The following PLBD1 variants were observed in gnomAD, a reference collection of about 807,000 sequenced individuals.
The protein encoded by PLBD1 is lysosomal leucine aminopeptidase.
A neutral mutation model predicts 63.0 loss-of-function variants in PLBD1; 60 were observed. The observed-to-expected ratio is 0.95, with a 90% CI of 0.77 to 1.18. The LOEUF (loss-of-function observed/expected upper bound fraction) is 1.18. PLBD1 is among the 50% of genes most tolerant of loss of function. The pLI is 0.00. For synonymous variants in PLBD1, 262 were observed against 248.0 expected, an observed-to-expected ratio of 1.06 and a Z score of -0.53; for missense variants, 598 against 677.9, an observed-to-expected ratio of 0.88 and a Z score of 1.31.
chr12:14,549,089 G>A (rs1025447623), intron 2 of PLBD1, among the ~76,000 whole-genome samples: 1 of 152,208 alleles, frequency 6.6e-6, no homozygotes, highest in African/African-American at 2.4e-5. Flanking sequence ...AGAATCTTCA[G>A]TTTGGTCAAG....
At chr12:14,547,266 A>G (rs1238246414) in intron 2 of PLBD1, among the ~76,000 whole-genome samples, 1 of 151,420 alleles carries the variant, frequency 6.6e-6, no homozygotes, top group Non-Finnish European at 1.5e-5. Flanking sequence ...AAGGGGAGAG[A>G]AACCTCCACC....
intron 2 of PLBD1, among the ~76,000 whole-genome samples, chr12:14,548,004 A>C (rs1405850653): frequency 6.6e-6 from 1 of 152,144 alleles, no homozygotes; most frequent in East Asian, 1.9e-4. Flanking sequence ...AATGATACAT[A>C]CCTCATGGTA....
chr12:14,511,783 G>A, intron 6 of PLBD1, 72 bp from the exon 7 acceptor site: 1 of 1,403,656 alleles, frequency 7.1e-7, no homozygotes. Flanking sequence ...TTGACAAAGA[G>A]CTTTACATAC....
At chr12:14,527,265 T>C (rs1028041446) in intron 6 of PLBD1, among the ~76,000 whole-genome samples, 1 of 152,138 alleles carries the variant, frequency 6.6e-6, no homozygotes, top group African/African-American at 2.4e-5. Context: ...AAAATATGAA[T>C]ATGCTAACTT....
At chr12:14,504,710 T>TA (rs149933314) in intron 10 of PLBD1, among the ~76,000 whole-genome samples, 25 of 152,328 alleles carry the variant, frequency 1.6e-4, no homozygotes, top group African/African-American at 5.5e-4. Context: ...TGAAAGTAGA[T>TA]AGAGCTCACT....
chr12:14,540,926 C>T, intron 3 of PLBD1, 24 bp from the exon 4 acceptor site: 1 of 1,576,432 alleles, frequency 6.3e-7, no homozygotes, highest in Non-Finnish European at 8.7e-7. Flanking sequence ...TAGATTTGCA[C>T]CACAGTCTCA....
intron 2 of PLBD1, among the ~76,000 whole-genome samples, chr12:14,542,597 C>T (rs1211585768): frequency 6.6e-6 from 1 of 152,190 alleles, no homozygotes; most frequent in Non-Finnish European, 1.5e-5. Flanking sequence ...CCTCTGTGTG[C>T]ACTTCCTGAT....
At chr12:14,509,908 C>A (rs1591993489) in intron 8 of PLBD1, among the ~76,000 whole-genome samples, 1 of 152,100 alleles carries the variant, frequency 6.6e-6, no homozygotes, top group African/African-American at 2.4e-5. Flanking sequence ...ATTTTCATGA[C>A]CATCCTGTGA....
chr12:14,539,351 G>A (rs1285002394), intron 4 of PLBD1, among the ~76,000 whole-genome samples: 1 of 151,812 alleles, frequency 6.6e-6, no homozygotes, highest in Non-Finnish European at 1.5e-5. Context: ...CCCGCCAGCG[G>A]TCACCACTAT....
intron 6 of PLBD1, among the ~76,000 whole-genome samples, chr12:14,520,243 G>A (rs7973852): frequency 0.31 from 46,854 of 151,732 alleles, 8,178 homozygotes; most frequent in East Asian, 0.56. Flanking sequence ...TGGGAATATA[G>A]GGGAAACCTT....
intron 6 of PLBD1, among the ~76,000 whole-genome samples, chr12:14,514,361 G>C (rs1945322658): frequency 2.0e-5 from 3 of 152,186 alleles, no homozygotes; most frequent in Non-Finnish European, 2.9e-5. Context: ...AATCCCTGTA[G>C]GGTAGAATGC....
chr12:14,509,290 T>C (rs1156793388), intron 8 of PLBD1, among the ~76,000 whole-genome samples: 3 of 152,192 alleles, frequency 2.0e-5, no homozygotes, highest in Admixed American at 1.3e-4. Context: ...TCAAGGGGTC[T>C]AGGAATGGGA....
At chr12:14,559,067 T>G (rs1473172053) in intron 1 of PLBD1, among the ~76,000 whole-genome samples, 2 of 152,254 alleles carry the variant, frequency 1.3e-5, no homozygotes, top group African/African-American at 2.4e-5. Context: ...CTGATTTTCT[T>G]AAATCCTGTA....
chr12:14,511,050 G>A (rs190800085), intron 8 of PLBD1, among the ~76,000 whole-genome samples: 37 of 152,230 alleles, frequency 2.4e-4, no homozygotes, highest in Admixed American at 2.0e-3. Flanking sequence ...CCTGATTTGC[G>A]TCCCAATCTG....
At chr12:14,507,241 A>G in intron 8 of PLBD1, 123 bp from the exon 9 acceptor site, 1 of 746,894 alleles carries the variant, frequency 1.3e-6, no homozygotes, top group Non-Finnish European at 2.2e-6. Flanking sequence ...GCATTTAATT[A>G]CAAAATAATG....
At position 14,529,981 on chromosome 12, in the gene PLBD1, C is replaced by T. The variant is rs368458963; in HGVS notation, c.844+5678G>A. Among the ~76,000 whole-genome samples, 11 of 152,310 alleles carry T rather than the reference C, an allele frequency of 7.2e-5. No homozygotes were observed. The East Asian group carries it at 2.1e-3, about 29-fold the overall frequency. ...TCCACAAATTCTTTGGCACCCTTCT[C>T]TTTAAAAGGTGGATTCTAATCGCCT... On this transcript the variant is annotated intron_variant, in intron 6 of 10. Coordinates refer to ENST00000240617, the MANE Select transcript of PLBD1 (RefSeq NM_024829.6).
At chr12:14,512,348 C>T (rs1945305131) in intron 6 of PLBD1, among the ~76,000 whole-genome samples, 2 of 151,914 alleles carry the variant, frequency 1.3e-5, no homozygotes, top group South Asian at 2.1e-4. Flanking sequence ...CGGGTTTCAC[C>T]GTGTTGGCCA....
At chr12:14,556,327 T>C (rs1243518735) in intron 1 of PLBD1, among the ~76,000 whole-genome samples, 2 of 152,172 alleles carry the variant, frequency 1.3e-5, no homozygotes, top group Admixed American at 6.5e-5. Context: ...ATTAAATATT[T>C]ACACAGGGTT....
chr12:14,512,848 T>C (rs1365319139), intron 6 of PLBD1, among the ~76,000 whole-genome samples: 2 of 152,196 alleles, frequency 1.3e-5, no homozygotes, highest in Non-Finnish European at 2.9e-5. Flanking sequence ...CCTTCCACTA[T>C]GTGAGGTCAC....
Sources: allele counts gnomAD v4.1 joint callset (sites outside exome capture counted in the v4.1 genomes callset), GRCh38; gene constraint gnomAD v4.1.1; transcripts MANE v1.5; gene names NCBI Gene and HGNC (gene_info 2026-07-23, HGNC 2026-07-21).